AMMECR1: variants seen among roughly 807,000 people sequenced by gnomAD.
AMMECR1 encodes AMMECR nuclear protein 1.
Under a neutral mutation model 22.5 loss-of-function variants are expected in AMMECR1, and 3 were observed. The observed-to-expected ratio is 0.13, with a 90% CI of 0.06 to 0.35. AMMECR1 has a LOEUF of 0.35. Among genes scored for constraint, AMMECR1 ranks in the 10% least tolerant of loss-of-function variants. AMMECR1 has a pLI of 1.00. For missense variants in AMMECR1, 235 were observed against 278.7 expected (o/e 0.84, Z 1.12); for synonymous variants, 130 against 116.7 (o/e 1.11, Z -0.74).
intron 1 of AMMECR1, among the ~76,000 whole-genome samples, chrX:110,279,913 T>C (rs954202367): frequency 2.7e-5 from 3 of 111,770 alleles, no homozygotes; most frequent in African/African-American, 9.7e-5. Flanking sequence ...AACCCTTCAT[T>C]TTAAAATTAA....
chrX:110,262,713 T>C (rs2067748289), intron 2 of AMMECR1, among the ~76,000 whole-genome samples: 2 of 112,120 alleles, frequency 1.8e-5, no homozygotes, highest in East Asian at 5.6e-4. Context: ...TGTTTGATAA[T>C]GGGATTTCTG....
intron 2 of AMMECR1, among the ~76,000 whole-genome samples, chrX:110,234,971 T>C (rs151182169): frequency 0.05 from 5,571 of 111,783 alleles, 157 homozygotes; most frequent in Non-Finnish European, 0.076. Context: ...AAAGCCAAAA[T>C]AGACAAATGG....
intron 2 of AMMECR1, among the ~76,000 whole-genome samples, chrX:110,222,475 C>T (rs760175968): frequency 0.02 from 1,677 of 85,958 alleles, 78 homozygotes; most frequent in African/African-American, 0.069. Flanking sequence ...AGGGATAGCA[C>T]TGGGAGATAT....
chrX:110,202,318 G>T, intron 4 of AMMECR1, 128 bp downstream of exon 4: 1 of 488,893 alleles, frequency 2.0e-6, no homozygotes, highest in Non-Finnish European at 3.5e-6. Context: ...GGCAGTGATG[G>T]AAGAGTCACT....
chrX:110,203,955 C>T (rs1448720082), intron 3 of AMMECR1, among the ~76,000 whole-genome samples: 1 of 111,563 alleles, frequency 9.0e-6, no homozygotes, highest in Non-Finnish European at 1.9e-5. Flanking sequence ...AGTACTCTTA[C>T]GAATCTCTTT....
At position 110,230,041 on chromosome X, in the gene AMMECR1, G is replaced by C. The variant is rs189874607; in HGVS notation, c.585-13409C>G. 2.7e-5 allele frequency among the ~76,000 whole-genome samples: 3 copies of C among 112,993 alleles called. No homozygotes were observed. In the East Asian group the frequency reaches 8.4e-4, roughly 32 times the overall value. The stretch of plus-strand genomic sequence containing the variant: ...GCGGAGCCCACCTCAGCTCAACAAC[G>C]CCTACTGCCTCTAGACTCCACCTCT... On this transcript the variant is annotated intron_variant, in intron 2 of 5. Transcript: ENST00000262844.
chrX:110,217,706 C>T (rs1357339264), intron 2 of AMMECR1, among the ~76,000 whole-genome samples: 1 of 111,445 alleles, frequency 9.0e-6, no homozygotes, highest in Non-Finnish European at 1.9e-5. Flanking sequence ...GATTTATCCT[C>T]AGAGGTTACA....
intron 3 of AMMECR1, among the ~76,000 whole-genome samples, chrX:110,207,941 C>A (rs1416872672): frequency 9.0e-6 from 1 of 111,128 alleles, no homozygotes; most frequent in Non-Finnish European, 1.9e-5. Context: ...CTGAGACCAG[C>A]CTCGACAACA....
At chrX:110,286,314 T>C (rs1423852255) in intron 1 of AMMECR1, among the ~76,000 whole-genome samples, 1 of 110,918 alleles carries the variant, frequency 9.0e-6, no homozygotes, top group Non-Finnish European at 1.9e-5. Context: ...AATACCCTTA[T>C]ACAGTCTCTA....
At chrX:110,328,809 T>C (rs2068108971) in intron 2 of AMMECR1, among the ~76,000 whole-genome samples, 1 of 112,145 alleles carries the variant, frequency 8.9e-6, no homozygotes, top group Non-Finnish European at 1.9e-5. Flanking sequence ...TCCTTTTTTA[T>C]GGCTGCATAG....
At chrX:110,281,048 T>C (rs1016185701) in intron 1 of AMMECR1, among the ~76,000 whole-genome samples, 3 of 112,462 alleles carry the variant, frequency 2.7e-5, no homozygotes, top group Non-Finnish European at 5.6e-5. Context: ...CTAAAAAGAC[T>C]GACTTCACTG....
intron 1 of AMMECR1, among the ~76,000 whole-genome samples, chrX:110,307,955 G>C (rs183524009): frequency 3.2e-3 from 310 of 95,440 alleles, no homozygotes; most frequent in Non-Finnish European, 5.2e-3. Flanking sequence ...CTGCACCCTC[G>C]ACCTCCTGGG....
chrX:110,387,729 G>A (rs1030836571), intron 2 of AMMECR1, among the ~76,000 whole-genome samples: 3 of 111,450 alleles, frequency 2.7e-5, no homozygotes, highest in African/African-American at 9.8e-5. Flanking sequence ...ACTTCTCAAC[G>A]GAATGTTCTT....
chrX:110,300,426 G>C (rs939409198), intron 1 of AMMECR1, among the ~76,000 whole-genome samples: 1 of 112,283 alleles, frequency 8.9e-6, no homozygotes, highest in African/African-American at 3.2e-5. Context: ...CAATTAGTGA[G>C]TATACTGTGG....
At chrX:110,319,033 A>C (rs2068068736), upstream of AMMECR1, among the ~76,000 whole-genome samples, 1 of 112,112 alleles carries the variant, frequency 8.9e-6, no homozygotes. Context: ...GATCTTAGAG[A>C]TAAATAGGGA....
At chrX:110,229,773 T>C (rs1346115519) in intron 2 of AMMECR1, among the ~76,000 whole-genome samples, 2 of 112,216 alleles carry the variant, frequency 1.8e-5, no homozygotes, top group Non-Finnish European at 3.8e-5. Context: ...CGTGACAGAC[T>C]ACCTGGAAAA....
intron 3 of AMMECR1, among the ~76,000 whole-genome samples, chrX:110,210,037 G>A (rs942115646): frequency 4.5e-5 from 5 of 111,002 alleles, no homozygotes; most frequent in Non-Finnish European, 9.4e-5. Context: ...ACTTGAGGCG[G>A]CCTGAGAAGG....
Position 110,362,528 on chromosome X carries a change from A to C in AMMECR1, c.-147-44679T>G, listed in dbSNP as rs1026956440. Among the ~76,000 whole-genome samples, 62 of 112,184 alleles carry C rather than the reference A, an allele frequency of 5.5e-4. 1 individual carries two copies. The highest frequency in any genetic ancestry group is 3.6e-3 in the Admixed American group (38 of 10,562). Reference sequence around the variant, plus strand: ...TCAACACTTAATCATATTCTGAAGTACTCCCAGAAGCTGGGCGACTGTTAC... The same window carrying C: ...TCAACACTTAATCATATTCTGAAGTCCTCCCAGAAGCTGGGCGACTGTTAC... On this transcript the variant is annotated intron_variant, in intron 2 of 7. Coordinates refer to the AMMECR1 transcript ENST00000372057.
intron 1 of AMMECR1, among the ~76,000 whole-genome samples, chrX:110,295,089 C>A (rs2067928378): frequency 9.1e-6 from 1 of 110,070 alleles, no homozygotes; most frequent in South Asian, 3.8e-4. Flanking sequence ...AACAATTTTC[C>A]ACGGTCTATT....
Sources: gnomAD v4.1 joint callset for allele counts (sites outside exome capture counted in the v4.1 genomes callset) on GRCh38, gnomAD v4.1.1 for gene constraint, MANE v1.5 for transcripts, NCBI Gene and HGNC (gene_info 2026-07-23, HGNC 2026-07-21) for gene names.